The following OTUB1 variants were observed in gnomAD, a reference collection of about 807,000 sequenced individuals.
The protein encoded by OTUB1 is ubiquitin thioesterase OTUB1.
In OTUB1, 10 loss-of-function variants were observed where a neutral mutation model predicts 35.8. That is an observed-to-expected ratio of 0.28 (90% CI 0.17 to 0.47). OTUB1 has a LOEUF of 0.47. Among genes scored for constraint, OTUB1 ranks in the 20% least tolerant of loss-of-function variants. The probability of loss-of-function intolerance (pLI) is 0.99; values close to 1 mark genes in which losing one functional copy is unlikely to be tolerated. For synonymous variants in OTUB1, 158 were observed against 143.8 expected, an observed-to-expected ratio of 1.10 and a Z score of -0.71; for missense variants, 264 against 351.6, an observed-to-expected ratio of 0.75 and a Z score of 1.99.
chr11:63,988,628 A>G (rs369249906), intron 2 of OTUB1, 26 bp from the exon 3 acceptor site: 2 of 1,553,580 alleles, frequency 1.3e-6, no homozygotes, highest in Non-Finnish European at 1.8e-6. Flanking sequence ...CCCTGCTAGG[A>G]CATGACAGAT....
chr11:63,988,540 G>A, intron 2 of OTUB1, 114 bp from the exon 3 acceptor site: 1 of 1,251,370 alleles, frequency 8.0e-7, no homozygotes, highest in East Asian at 2.3e-5. Context: ...GTGCTTTTCT[G>A]GGGGTCGCTG....
chr11:63,988,534 T>A lies in OTUB1; in HGVS notation c.121-120T>A, dbSNP rs1035660666. On this transcript the variant is annotated intron_variant, in intron 2 of 6. Transcript: ENST00000538426. ...CCTAGGCTATGCTAGGTACTGGTGC[T>A]TTTCTGGGGGTCGCTGTGCCACCGG... 21 of 1,265,510 alleles carry A rather than the reference T, an allele frequency of 1.7e-5. No homozygotes were observed. In the African/African-American group the frequency reaches 3.1e-4, roughly 19 times the overall value. 78.4% of individuals were successfully genotyped at this position (1,265,510 alleles called of 1,614,324 possible).
intron 2 of OTUB1, 61 bp from the exon 3 acceptor site, chr11:63,988,593 C>A: frequency 1.5e-6 from 2 of 1,369,096 alleles, no homozygotes; most frequent in South Asian, 1.2e-5. Context: ...GTTATTCTGT[C>A]TGTTAGGCAT....
intron 3 of OTUB1, among the ~76,000 whole-genome samples, chr11:63,993,557 A>G (rs1372318107): frequency 3.3e-5 from 5 of 151,802 alleles, no homozygotes; most frequent in Non-Finnish European, 2.9e-5. Flanking sequence ...CCAGCTACTC[A>G]GGAGGCTGAG....
intron 3 of OTUB1, among the ~76,000 whole-genome samples, chr11:63,994,813 C>G (rs1942702323): frequency 6.6e-6 from 1 of 152,204 alleles, no homozygotes; most frequent in East Asian, 1.9e-4. Flanking sequence ...CTGACCTTGG[C>G]TAGAGCAAAA....
At chr11:63,994,414 A>G (rs1305360060) in intron 3 of OTUB1, among the ~76,000 whole-genome samples, 1 of 152,124 alleles carries the variant, frequency 6.6e-6, no homozygotes, top group Non-Finnish European at 1.5e-5. Flanking sequence ...CACCACGCCC[A>G]GTTAATTTTT....
chr11:63,995,588 A>C (rs983699169), intron 3 of OTUB1, among the ~76,000 whole-genome samples: 1 of 151,286 alleles, frequency 6.6e-6, no homozygotes. Context: ...TTGGCCTCCC[A>C]AAATGTTGGG....
At chr11:63,996,482 C>G in intron 3 of OTUB1, 48 bp from the exon 4 acceptor site, 1 of 1,597,254 alleles carries the variant, frequency 6.3e-7, no homozygotes, top group East Asian at 2.2e-5. Context: ...TTGGCCAGCC[C>G]CCGTTCTGGC....
rs1176243407 is a variant in OTUB1, at chr11:63,997,406, G to T, written c.676G>T (p.Ala226Ser). Residue 226 changes from alanine (A) to serine (S), a missense_variant, in exon 7 of 7, where the codon GCC becomes TCC. Transcript: ENST00000538426. ...CATCCACATCATTGCGCTGGCCCAGGCCCTCAGCGTGTCCATCCAGGTGGA... is the reference window on the plus strand; with the variant it reads ...CATCCACATCATTGCGCTGGCCCAGTCCCTCAGCGTGTCCATCCAGGTGGA... ...DHIHIIALAQ[A>S]LSVSIQVEYM... 6.2e-7 allele frequency: 1 copy of T among 1,613,992 alleles called. No homozygotes were observed. Among genetic ancestry groups the T allele is most frequent in the Non-Finnish European group, 8.5e-7 (1 of 1,180,022 alleles).
intron 3 of OTUB1, among the ~76,000 whole-genome samples, chr11:63,993,489 C>A (rs73496068): frequency 0.026 from 4,000 of 151,822 alleles, 153 homozygotes; most frequent in African/African-American, 0.083. Context: ...TGGTGAAACC[C>A]CATCTCTACT....
At position 63,997,992 on chromosome 11, in the gene OTUB1, A is replaced by G. The variant is rs1201164003; in HGVS notation, c.*446A>G. 9 of 545,202 alleles carry G rather than the reference A, an allele frequency of 1.7e-5. No individual in the cohort carries two copies. Among genetic ancestry groups the G allele is most frequent in the South Asian group, 2.2e-5 (1 of 45,996 alleles). 33.8% of individuals were successfully genotyped at this position (545,202 alleles called of 1,614,324 possible). A position where few individuals can be genotyped will look rare whatever the true frequency, so the allele number is the denominator to read the frequency against. On this transcript the variant is annotated 3_prime_UTR_variant, in exon 7 of 7. Transcript: ENST00000538426. Reference sequence around the variant, plus strand: ...CTGCTCCCTCATAGGCCCCACCTCCACGTCCCGGCTGGGCCCCAGACCCCA... The same window carrying G: ...CTGCTCCCTCATAGGCCCCACCTCCGCGTCCCGGCTGGGCCCCAGACCCCA...
At chr11:63,987,711 A>G (rs1364345733) in intron 1 of OTUB1, among the ~76,000 whole-genome samples, 1 of 152,230 alleles carries the variant, frequency 6.6e-6, no homozygotes, top group Non-Finnish European at 1.5e-5. Context: ...CACCATTAAC[A>G]ATATCCACGA....
intron 3 of OTUB1, among the ~76,000 whole-genome samples, chr11:63,991,302 G>GCTC (rs1184362094): frequency 6.6e-6 from 1 of 152,160 alleles, no homozygotes; most frequent in Non-Finnish European, 1.5e-5. Context: ...CCCATACAGG[G>GCTC]GGTGAGCTTC....
intron 3 of OTUB1, among the ~76,000 whole-genome samples, chr11:63,995,257 C>T (rs766822084): frequency 3.9e-5 from 6 of 152,072 alleles, no homozygotes; most frequent in Non-Finnish European, 8.8e-5. Context: ...AGTGCGATGG[C>T]GCAATCTCGG....
At position 63,991,934 on chromosome 11, in the gene OTUB1, G is replaced by A. The variant is rs113217060; in HGVS notation, c.219+3182G>A. Among the ~76,000 whole-genome samples the A allele has an allele frequency of 5.0e-3, 763 of 152,254 alleles. 3 individuals are homozygous for A. Among genetic ancestry groups the A allele is most frequent in the African/African-American group, 0.017 (722 of 41,544 alleles). ...TGTGGAGAAAAATGAAAAGGGGATC[G>A]GGGCCGGGCGTGGTGGCTCACGCCT... is the stretch of plus-strand genomic sequence containing the variant. On this transcript the variant is annotated intron_variant, in intron 3 of 6. Coordinates refer to ENST00000538426, the MANE Select transcript of OTUB1 (RefSeq NM_017670.3).
chr11:63,987,916 C>T (rs1045113354), intron 1 of OTUB1, among the ~76,000 whole-genome samples: 18 of 152,112 alleles, frequency 1.2e-4, no homozygotes, highest in African/African-American at 3.9e-4. Flanking sequence ...CTTAGGGATA[C>T]CACGGTGCAC....
intron 3 of OTUB1, among the ~76,000 whole-genome samples, chr11:63,993,618 C>T (rs1158781759): frequency 5.3e-5 from 8 of 150,050 alleles, no homozygotes; most frequent in African/African-American, 1.5e-4. Context: ...GAACCGAGAT[C>T]GCGCTACTGC....
intron 3 of OTUB1, chr11:63,989,274 T>A (rs541577395): frequency 7.1e-6 from 1 of 141,764 alleles, no homozygotes; most frequent in South Asian, 2.3e-4. Flanking sequence ...GAGCCAAGAT[T>A]GCAGCACTGC....
In OTUB1 at chr11:63,997,211, G is replaced by A. The variant is rs11537828; in HGVS notation, c.585G>A (p.Glu195=). ...GCAAGTTCTTCGAGCACTTCATCGA[G>A]GGTGGACGGACTGTCAAGGAGTTCT... ...RESKFFEHFI[E]GGRTVKEFCQ... Residue 195 remains glutamate, a synonymous_variant, in exon 6 of 7, where the codon GAG becomes GAA. Transcript: ENST00000538426. 2 of 1,614,074 alleles carry A rather than the reference G, an allele frequency of 1.2e-6. No individual in the cohort carries two copies. The highest frequency in any genetic ancestry group is 1.7e-6 in the Non-Finnish European group (2 of 1,180,018).
Sources: allele counts gnomAD v4.1 joint callset (sites outside exome capture counted in the v4.1 genomes callset), GRCh38; gene constraint gnomAD v4.1.1; transcripts MANE v1.5; gene names NCBI Gene and HGNC (gene_info 2026-07-23, HGNC 2026-07-21).